Variants in MIA3 observed in about 807,000 individuals in gnomAD.
MIA3 encodes transport and Golgi organization protein 1 homolog.
Under a neutral mutation model 192.4 loss-of-function variants are expected in MIA3, and 90 were observed. That is an observed-to-expected ratio of 0.47 (90% CI 0.39 to 0.56). The LOEUF (loss-of-function observed/expected upper bound fraction) is 0.56, where lower values mean the gene tolerates loss of function less well. Among genes scored for constraint, MIA3 ranks in the 20% least tolerant of loss-of-function variants. The pLI is 0.00. For synonymous variants in MIA3, 740 were observed against 792.8 expected (o/e 0.93, Z 1.12); for missense variants, 2,123 against 2,269.4 (o/e 0.94, Z 1.31).
intron 6 of MIA3, among the ~76,000 whole-genome samples, chr1:222,636,244 G>A (rs1267489292): frequency 6.6e-6 from 1 of 152,140 alleles, no homozygotes; most frequent in African/African-American, 2.4e-5. Flanking sequence ...GATGATTAAT[G>A]ATATTGAGCA....
intron 1 of MIA3, among the ~76,000 whole-genome samples, chr1:222,619,576 G>C (rs1558168393): frequency 6.6e-6 from 1 of 152,164 alleles, no homozygotes; most frequent in Non-Finnish European, 1.5e-5. Context: ...TTTCCCTTTA[G>C]TTTTCTTGGG....
At chr1:222,654,825 T>C (rs758742263) in intron 18 of MIA3, 32 bp downstream of exon 18, 1 of 1,585,570 alleles carries the variant, frequency 6.3e-7, no homozygotes, top group South Asian at 1.1e-5. Context: ...GTTAACTGTA[T>C]TGTCATGTCA....
chr1:222,664,159 C>T lies in MIA3; in HGVS notation c.5413+11C>T, dbSNP rs1664164139. The T allele has an allele frequency of 6.2e-7, 1 of 1,613,856 alleles. No individual in the cohort carries two copies. The highest frequency in any genetic ancestry group is 8.5e-7 in the Non-Finnish European group (1 of 1,179,778). On this transcript the variant is annotated intron_variant, in intron 27 of 27. Coordinates refer to ENST00000344922, the MANE Select transcript of MIA3 (RefSeq NM_198551.4). ...TTCCTCCACCCTTTGGTAAGATGAT[C>T]TGAACAGTAGTAATTGACTTGTAAA... is the stretch of plus-strand genomic sequence containing the variant.
chr1:222,624,906 A>G (rs1192210208), intron 3 of MIA3, 52 bp downstream of exon 3: 1 of 1,000,470 alleles, frequency 1.0e-6, no homozygotes, highest in East Asian at 2.4e-5. Context: ...CTTATAAGTG[A>G]CTACCTAGAA....
intron 15 of MIA3, 21 bp downstream of exon 15, chr1:222,653,360 G>A: frequency 6.5e-7 from 1 of 1,544,674 alleles, no homozygotes; most frequent in African/African-American, 1.4e-5. Context: ...CCTCAAGGAG[G>A]ATGGACCCCT....
Position 222,653,248 on chromosome 1 carries a change from A to T in MIA3, c.4230A>T (p.Thr1410=). ...TCTAGGCTTTGACTAACTGCATTAC[A>T]CAGTTGAATCTGTTAGAGTGTGAAT... ...DNINALTNCI[T]QLNLLECESE... Residue 1410 remains threonine, a synonymous_variant, in exon 15 of 28, where the codon ACA becomes ACT. Coordinates refer to ENST00000344922, the MANE Select transcript of MIA3 (RefSeq NM_198551.4). 6.2e-7 allele frequency: 1 copy of T among 1,613,290 alleles called. No homozygotes were observed. The highest frequency in any genetic ancestry group is 1.1e-5 in the South Asian group (1 of 91,038).
intron 6 of MIA3, among the ~76,000 whole-genome samples, chr1:222,633,877 G>A (rs998694098): frequency 5.9e-5 from 9 of 151,812 alleles, no homozygotes; most frequent in Non-Finnish European, 1.3e-4. Flanking sequence ...TTGAGACAGG[G>A]TCTTGCTCTG....
rs531028481 is a variant in MIA3, at chr1:222,652,287, T to G, written c.4041T>G (p.His1347Gln). ...LSEEKVKSEC[H>Q]RVQEENARLK... ...AAGAGAAGGTGAAGTCTGAATGCCATCGGGTTCAAGAAGAAAATGCTAGGC... is the reference window on the plus strand; with the variant it reads ...AAGAGAAGGTGAAGTCTGAATGCCAGCGGGTTCAAGAAGAAAATGCTAGGC... The change falls in exon 13 of 28, where the codon CAT becomes CAG. Residue 1347 changes from histidine to glutamine, a missense_variant. Physicochemically the swap from His to Gln is conservative, Grantham distance 24. This residue lies in a region of MIA3 where 762 missense variants were observed against 856.4 expected (regional missense o/e 0.89). Coordinates refer to ENST00000344922, the MANE Select transcript of MIA3 (RefSeq NM_198551.4). 38 of 1,613,746 alleles carry G rather than the reference T, an allele frequency of 2.4e-5. No homozygotes were observed. The highest frequency in any genetic ancestry group is 3.1e-5 in the Non-Finnish European group (37 of 1,179,874).
chr1:222,636,256 T>C (rs78915454), intron 6 of MIA3, among the ~76,000 whole-genome samples: 126 of 152,322 alleles, frequency 8.3e-4, no homozygotes, highest in African/African-American at 3.0e-3. Flanking sequence ...TATTGAGCAC[T>C]TTTTCACTGC....
chr1:222,664,112 G>A lies in MIA3; in HGVS notation c.5377G>A (p.Gly1793Arg), dbSNP rs752569494. Residue 1793 changes from glycine to arginine, a missense_variant, in exon 27 of 28, where the codon GGA (glycine) becomes AGA (arginine). Physicochemically the swap from Gly to Arg is moderately radical, Grantham distance 125. This residue lies in a region of MIA3 where 762 missense variants were observed against 856.4 expected (regional missense o/e 0.89). Coordinates refer to ENST00000344922, the MANE Select transcript of MIA3 (RefSeq NM_198551.4). Reference sequence around the variant, plus strand: ...ATATGGACCACCACCTCAGCTCTGCGGACCTTTTGGGCCTCGGCCACTTCC... The same window carrying A: ...ATATGGACCACCACCTCAGCTCTGCAGACCTTTTGGGCCTCGGCCACTTCC... ...IRYGPPPQLC[G>R]PFGPRPLPPP... 8.7e-6 allele frequency: 14 copies of A among 1,614,042 alleles called. No homozygotes were observed. The highest frequency in any genetic ancestry group is 2.2e-5 in the East Asian group (1 of 44,892).
intron 18 of MIA3, among the ~76,000 whole-genome samples, chr1:222,655,376 A>G (rs184046249): frequency 3.3e-5 from 5 of 152,312 alleles, no homozygotes; most frequent in African/African-American, 1.2e-4. Context: ...GTACCTTTTG[A>G]GAGGTATATT....
rs543924790 is a variant in MIA3 at position 222,650,154 on chromosome 1, T to C, written c.3632-138T>C. 371 of 685,776 alleles carry C rather than the reference T, an allele frequency of 5.4e-4. 7 individuals are homozygous for C. In the South Asian group the frequency reaches 5.6e-3, roughly 10 times the overall value. 42.5% of individuals were successfully genotyped at this position (685,776 alleles called of 1,614,324 possible). ...GAGACACAGAACCAAACCATATCAC[T>C]TTTTAAAACCATAATAGTTATGCTG... On this transcript the variant is annotated intron_variant, in intron 8 of 27. Coordinates refer to ENST00000344922, the MANE Select transcript of MIA3 (RefSeq NM_198551.4).
In MIA3 at chr1:222,652,245, T is replaced by A. The variant is rs181422930; in HGVS notation, c.3999T>A (p.Asn1333Lys). 2.4e-5 allele frequency: 39 copies of A among 1,613,224 alleles called. No individual in the cohort carries two copies. Among genetic ancestry groups the A allele is most frequent in the South Asian group, 1.1e-5 (1 of 91,070 alleles). Residue 1333 changes from asparagine to lysine, a missense_variant, in exon 13 of 28, where the codon AAT becomes AAA. Asn to Lys is a moderately conservative substitution (Grantham distance 94). Transcript: ENST00000344922. Reference protein sequence around the residue: ...SEFSEVQIALNEAKLSEEKVK... With the variant: ...SEFSEVQIALKEAKLSEEKVK... ...TGCATTAGGTTCAGATTGCACTTAA[T>A]GAAGCTAAGCTTAGTGAAGAGAAGG...
chr1:222,657,082 T>C (rs61824284), intron 18 of MIA3, among the ~76,000 whole-genome samples: 2,034 of 152,326 alleles, frequency 0.013, 20 homozygotes, highest in Non-Finnish European at 0.02. Context: ...GTGGTGAACA[T>C]TGTTTTTGAA....
At chr1:222,646,295 A>G (rs1663138813) in intron 7 of MIA3, among the ~76,000 whole-genome samples, 1 of 152,058 alleles carries the variant, frequency 6.6e-6, no homozygotes, top group African/African-American at 2.4e-5. Flanking sequence ...ACATGCCTGT[A>G]ATCCCAGCTA....
rs775357138 is a variant in MIA3, at chr1:222,653,144, T to C, written c.4209+14T>C. 5 of 1,600,508 alleles carry C rather than the reference T, an allele frequency of 3.1e-6. No homozygotes were observed. The highest frequency in any genetic ancestry group is 4.3e-6 in the Non-Finnish European group (5 of 1,169,182). On this transcript the variant is annotated intron_variant, in intron 14 of 27. Transcript: ENST00000344922. The stretch of plus-strand genomic sequence containing the variant: ...GATAATATTAATGTAAGTGCGTTCA[T>C]GAATACAAGCTTAATTCTTGTGAAT...
intron 1 of MIA3, among the ~76,000 whole-genome samples, chr1:222,618,784 C>T (rs1661728930): frequency 6.6e-6 from 1 of 152,180 alleles, no homozygotes; most frequent in Non-Finnish European, 1.5e-5. Flanking sequence ...TTTGGAAAGG[C>T]TCCCTGGCGC....
intron 6 of MIA3, among the ~76,000 whole-genome samples, chr1:222,643,776 C>T (rs1187043969): frequency 6.6e-6 from 1 of 151,964 alleles, no homozygotes; most frequent in East Asian, 1.9e-4. Context: ...TTCCCCGCAG[C>T]CACCATCTAA....
intron 7 of MIA3, chr1:222,647,922 TTAA>T (rs777753617): frequency 2.6e-6 from 1 of 386,676 alleles, no homozygotes; most frequent in South Asian, 1.8e-5. Flanking sequence ...ATACAGTATA[TTAA>T]TTATTGTATA....
Sources: gnomAD v4.1 joint callset for allele counts (sites outside exome capture counted in the v4.1 genomes callset) on GRCh38, gnomAD v4.1.1 for gene constraint, gnomAD v4.1.1 regional missense constraint, MANE v1.5 for transcripts, NCBI Gene and HGNC (gene_info 2026-07-23, HGNC 2026-07-21) for gene names.